ANKDD1A: variants seen among roughly 807,000 people sequenced by gnomAD.
ANKDD1A encodes ankyrin repeat and death domain containing 1A, also known as ankyrin repeat and death domain-containing protein 1A.
Under a neutral mutation model 63.5 loss-of-function variants are expected in ANKDD1A, and 59 were observed. The observed-to-expected ratio is 0.93, with a 90% CI of 0.75 to 1.15. ANKDD1A has a LOEUF of 1.15. ANKDD1A is among the 50% of genes most tolerant of loss of function. The pLI is 0.00. For synonymous variants in ANKDD1A, 266 were observed against 263.9 expected, an observed-to-expected ratio of 1.01 and a Z score of -0.08; for missense variants, 632 against 656.4, an observed-to-expected ratio of 0.96 and a Z score of 0.41.
At chr15:64,953,738 CTTCTTTCCT>C (rs2085358033) in intron 14 of ANKDD1A, among the ~76,000 whole-genome samples, 4 of 115,990 alleles carry the variant, frequency 3.4e-5, no homozygotes, top group African/African-American at 1.2e-4. Context: ...TCTCCTCCTT[CTTCTTTCCT>C]CTTTTCTTCG....
chr15:64,947,420 C>G lies in ANKDD1A; in HGVS notation c.1178C>G (p.Pro393Arg), dbSNP rs561180507. 5 of 1,613,614 alleles carry G rather than the reference C, an allele frequency of 3.1e-6. No individual in the cohort carries two copies. In the East Asian group the frequency reaches 1.1e-4, roughly 36 times the overall value. Residue 393 changes from proline to arginine, a missense_variant, in exon 13 of 15, where the codon CCC (proline) becomes CGC (arginine). Pro to Arg is a moderately radical substitution (Grantham distance 103, BLOSUM62 -2). Transcript: ENST00000319580. ...GCCCCACAGGACCACCCCAGTGATC[C>G]CTCTGGGAAGAGCTTGTCCTTTAAG... ...YRWEKDHPSD[P>R]SGKSLSFKQD...
intron 14 of ANKDD1A, among the ~76,000 whole-genome samples, chr15:64,953,008 C>G (rs1288156608): frequency 2.0e-5 from 2 of 99,066 alleles, no homozygotes; most frequent in East Asian, 6.8e-4. Context: ...TTAGTTCTTT[C>G]TTCTCCTTGT....
intron 6 of ANKDD1A, among the ~76,000 whole-genome samples, chr15:64,928,388 CT>C (rs1397815365): frequency 2.6e-5 from 4 of 152,224 alleles, no homozygotes; most frequent in Non-Finnish European, 5.9e-5. Context: ...ATGATCACAC[CT>C]CAGGGCCCCA....
intron 8 of ANKDD1A, 185 bp downstream of exon 8, chr15:64,931,770 T>C: frequency 3.2e-6 from 2 of 633,062 alleles, no homozygotes; most frequent in South Asian, 3.8e-5. Context: ...TTAACCTCTC[T>C]GAGCCTTGTT....
At chr15:64,922,357 A>G in intron 4 of ANKDD1A, 1 of 223,382 alleles carries the variant, frequency 4.5e-6, no homozygotes, top group African/African-American at 2.3e-5. Flanking sequence ...TGAAAGGAGC[A>G]AAGCATCATT....
At chr15:64,953,887 TTCC>T (rs200179772) in intron 14 of ANKDD1A, among the ~76,000 whole-genome samples, 72 of 138,412 alleles carry the variant, frequency 5.2e-4, no homozygotes, top group African/African-American at 1.7e-3. Context: ...TTCTTTCTTC[TTCC>T]TCTTTTCTTT....
In ANKDD1A at chr15:64,926,935, A is replaced by G. The variant is rs2085049497; in HGVS notation, c.506A>G (p.His169Arg). 2 of 1,614,212 alleles carry G rather than the reference A, an allele frequency of 1.2e-6. No homozygotes were observed. The highest frequency in any genetic ancestry group is 1.7e-6 in the Non-Finnish European group (2 of 1,180,044). Residue 169 changes from histidine (H) to arginine (R), a missense_variant, in exon 6 of 15, where the codon CAC becomes CGC. Physicochemically the swap from His to Arg is conservative, Grantham distance 29 (BLOSUM62 0). Transcript: ENST00000319580. ...ACGGCGTTTCACAGGGCAGCTGAGC[A>G]CGGGCAGCTGGATGCTCTGGACTTC... ...GRTAFHRAAE[H>R]GQLDALDFLV...
chr15:64,951,316 C>CTTTTCTTCTCTTCTTCT lies in ANKDD1A; in HGVS notation c.1483+1347_1483+1348insTCTTCTCTTCTTCTTTT, dbSNP rs199673755. On this transcript the variant is annotated intron_variant, in intron 14 of 14. Coordinates refer to ENST00000319580, the MANE Select transcript of ANKDD1A (RefSeq NM_182703.6). Reference sequence around the variant, plus strand: ...TTCTTCTTCTTCTTCTCTTCTTCTTCTTTCTTCTTTCCTCTTTTTCTTTCT... The same window carrying CTTTTCTTCTCTTCTTCT: ...TTCTTCTTCTTCTTCTCTTCTTCTTCTTTTCTTCTCTTCTTCTTTTCTTCTTTCCTCTTTTTCTTTCT... 75 of 735,912 alleles carry CTTTTCTTCTCTTCTTCT rather than the reference C, an allele frequency of 1.0e-4. 1 individual carries two copies. The African/African-American group carries it at 1.3e-3, about 12-fold the overall frequency. 45.6% of individuals were successfully genotyped at this position (735,912 alleles called of 1,614,324 possible).
chr15:64,949,870 C>A lies in ANKDD1A; in HGVS notation c.1381C>A (p.Arg461=). The change falls in exon 14 of 15, where the codon CGA becomes AGA. Residue 461 remains arginine (R), a synonymous_variant. Transcript: ENST00000319580. ...GTRSYQEHGH[R]MLLIWLHGVA... ...CAGGAGCTATCAGGAGCACGGCCAC[C>A]GAATGCTGCTCATTTGGCTGCATGG... The A allele has an allele frequency of 6.2e-7, 1 of 1,604,040 alleles. No individual in the cohort carries two copies. The highest frequency in any genetic ancestry group is 1.1e-5 in the South Asian group (1 of 91,080).
At chr15:64,926,215 G>C in intron 5 of ANKDD1A, 45 bp downstream of exon 5, 1 of 1,569,532 alleles carries the variant, frequency 6.4e-7, no homozygotes, top group African/African-American at 1.4e-5. Flanking sequence ...TGGGCGGGGG[G>C]CTCCTGGGGC....
At chr15:64,954,907 TGTCTC>T (rs1167706842) in intron 14 of ANKDD1A, among the ~76,000 whole-genome samples, 2 of 122,444 alleles carry the variant, frequency 1.6e-5, no homozygotes, top group East Asian at 4.9e-4. Flanking sequence ...CTTCTTCTCT[TGTCTC>T]TTCTCTCTCC....
intron 9 of ANKDD1A, among the ~76,000 whole-genome samples, chr15:64,941,307 G>A (rs548181899): frequency 6.6e-6 from 1 of 152,220 alleles, no homozygotes; most frequent in Admixed American, 6.5e-5. Context: ...AGTCCATTTT[G>A]TGTTGCTATA....
At chr15:64,918,648 G>A (rs1006113180) in intron 3 of ANKDD1A, among the ~76,000 whole-genome samples, 1 of 152,098 alleles carries the variant, frequency 6.6e-6, no homozygotes, top group Admixed American at 6.5e-5. Context: ...GTAAGAGGGG[G>A]CCCTTTTAGA....
chr15:64,945,388 T>C (rs541045664), intron 12 of ANKDD1A, among the ~76,000 whole-genome samples: 1 of 152,164 alleles, frequency 6.6e-6, no homozygotes, highest in Non-Finnish European at 1.5e-5. Flanking sequence ...CACATTAAGT[T>C]GAAACCATAC....
intron 9 of ANKDD1A, among the ~76,000 whole-genome samples, chr15:64,936,559 C>T (rs1183046164): frequency 1.3e-5 from 2 of 152,122 alleles, no homozygotes; most frequent in Non-Finnish European, 2.9e-5. Flanking sequence ...GAAGGCGTTG[C>T]CAGGTGCAGT....
chr15:64,945,166 T>A (rs569238350), intron 12 of ANKDD1A, among the ~76,000 whole-genome samples: 94 of 152,132 alleles, frequency 6.2e-4, no homozygotes, highest in Admixed American at 1.7e-3. Flanking sequence ...ATTAGTCGTG[T>A]CTCCTGTGGA....
At chr15:64,954,729 T>TCC (rs2085396322) in intron 14 of ANKDD1A, among the ~76,000 whole-genome samples, 22 of 62,612 alleles carry the variant, frequency 3.5e-4, no homozygotes, top group East Asian at 2.4e-3. Flanking sequence ...CTCCTCCTCC[T>TCC]TCTTCTTCCT....
chr15:64,915,090 A>G (rs1167596486), intron 1 of ANKDD1A, among the ~76,000 whole-genome samples: 3 of 152,212 alleles, frequency 2.0e-5, no homozygotes, highest in Non-Finnish European at 2.9e-5. Context: ...AGATCACTTG[A>G]GGTCAGGAGT....
intron 14 of ANKDD1A, among the ~76,000 whole-genome samples, chr15:64,953,879 CT>C (rs2085364366): frequency 3.8e-5 from 5 of 131,408 alleles, no homozygotes; most frequent in South Asian, 2.4e-4. Flanking sequence ...CTTCTTCATT[CT>C]TTCTTCTTCC....
Sources: allele counts gnomAD v4.1 joint callset (sites outside exome capture counted in the v4.1 genomes callset), GRCh38; gene constraint gnomAD v4.1.1; transcripts MANE v1.5; gene names NCBI Gene and HGNC (gene_info 2026-07-23, HGNC 2026-07-21).